The following POU6F2 variants were observed in gnomAD, a reference collection of about 807,000 sequenced individuals.
POU6F2 encodes the protein POU domain, class 6, transcription factor 2.
A neutral mutation model predicts 71.3 loss-of-function variants in POU6F2; 31 were observed. That is an observed-to-expected ratio of 0.43 (90% CI 0.33 to 0.59). The LOEUF is 0.59. POU6F2 is among the 20% of genes least tolerant of loss of function. The pLI is 0.04. For synonymous variants in POU6F2, 347 were observed against 355.7 expected (o/e 0.98, Z 0.27); for missense variants, 783 against 856.8 (o/e 0.91, Z 1.07).
At chr7:39,000,142 C>G (rs1472433369) in intron 1 of POU6F2, among the ~76,000 whole-genome samples, 1 of 152,088 alleles carries the variant, frequency 6.6e-6, no homozygotes, top group Non-Finnish European at 1.5e-5. Context: ...TAGGGTAACT[C>G]AAGTGGAGTT....
At chr7:39,290,714 A>G (rs1424752385) in intron 4 of POU6F2, among the ~76,000 whole-genome samples, 3 of 152,068 alleles carry the variant, frequency 2.0e-5, no homozygotes, top group Non-Finnish European at 4.4e-5. Context: ...TCTCTTTGCA[A>G]CCTCCTGAGA....
At chr7:39,185,545 C>A (rs529535197) in intron 2 of POU6F2, among the ~76,000 whole-genome samples, 1 of 152,124 alleles carries the variant, frequency 6.6e-6, no homozygotes, top group African/African-American at 2.4e-5. Flanking sequence ...TCCCAAATAT[C>A]TTCTCTTGAT....
intron 2 of POU6F2, among the ~76,000 whole-genome samples, chr7:39,152,846 C>T (rs940824710): frequency 2.6e-5 from 4 of 152,114 alleles, no homozygotes; most frequent in African/African-American, 9.7e-5. Flanking sequence ...AACAGTTGGC[C>T]CTGGAAAGCT....
At chr7:39,233,542 G>A (rs1333529644) in intron 4 of POU6F2, among the ~76,000 whole-genome samples, 1 of 152,156 alleles carries the variant, frequency 6.6e-6, no homozygotes, top group East Asian at 1.9e-4. Flanking sequence ...CTCCCTCCCA[G>A]CACATAGGAG....
chr7:39,078,894 G>C (rs1791052909), intron 1 of POU6F2, among the ~76,000 whole-genome samples: 1 of 152,096 alleles, frequency 6.6e-6, no homozygotes, highest in Admixed American at 6.6e-5. Context: ...ACTCCAGCCT[G>C]GCGACAGAGC....
At chr7:39,162,767 G>T (rs567333151) in intron 2 of POU6F2, among the ~76,000 whole-genome samples, 1 of 151,720 alleles carries the variant, frequency 6.6e-6, no homozygotes, top group East Asian at 1.9e-4. Flanking sequence ...TCTAAGTGGG[G>T]ATAGTACTCA....
At chr7:39,118,279 TAAC>T (rs1791973436) in intron 2 of POU6F2, among the ~76,000 whole-genome samples, 1 of 152,034 alleles carries the variant, frequency 6.6e-6, no homozygotes, top group Admixed American at 6.6e-5. Context: ...TTCTTTTAAA[TAAC>T]AACTGATAGC....
At chr7:39,275,846 C>T (rs2128758067) in intron 4 of POU6F2, among the ~76,000 whole-genome samples, 1 of 151,650 alleles carries the variant, frequency 6.6e-6, no homozygotes, top group Non-Finnish European at 1.5e-5. Flanking sequence ...ACTGGCTAGC[C>T]ATATGTAGAA....
At chr7:39,349,214 A>G (rs1179383956) in intron 5 of POU6F2, among the ~76,000 whole-genome samples, 1 of 152,234 alleles carries the variant, frequency 6.6e-6, no homozygotes, top group Non-Finnish European at 1.5e-5. Flanking sequence ...TGGTTCTGAT[A>G]ATTGACAGTG....
intron 1 of POU6F2, among the ~76,000 whole-genome samples, chr7:39,018,461 ATT>A (rs11287271): frequency 1.6e-4 from 24 of 146,880 alleles, no homozygotes; most frequent in Admixed American, 2.7e-4. Flanking sequence ...AACCATTTAC[ATT>A]TTTTTTTTTT....
intron 1 of POU6F2, among the ~76,000 whole-genome samples, chr7:39,024,697 TGA>T (rs1789759999): frequency 6.6e-6 from 1 of 152,212 alleles, no homozygotes; most frequent in Non-Finnish European, 1.5e-5. Context: ...CCTAATTTAT[TGA>T]GAGTTTTTAG....
At chr7:39,179,408 G>A (rs1371800042) in intron 2 of POU6F2, among the ~76,000 whole-genome samples, 2 of 152,236 alleles carry the variant, frequency 1.3e-5, no homozygotes, top group African/African-American at 2.4e-5. Flanking sequence ...CCTAGCTAGG[G>A]TTGCTGTGGG....
At chr7:39,293,186 C>T (rs1162752840) in intron 4 of POU6F2, among the ~76,000 whole-genome samples, 2 of 152,152 alleles carry the variant, frequency 1.3e-5, no homozygotes, top group Non-Finnish European at 2.9e-5. Flanking sequence ...CTCTCTGCTG[C>T]GGGTCAGCTG....
intron 1 of POU6F2, among the ~76,000 whole-genome samples, chr7:39,082,197 A>C: frequency 6.6e-6 from 1 of 152,206 alleles, no homozygotes; most frequent in East Asian, 1.9e-4. Flanking sequence ...TGATTTTGCT[A>C]ATAGAAACTA....
intron 5 of POU6F2, among the ~76,000 whole-genome samples, chr7:39,360,951 G>C (rs1332585357): frequency 6.6e-6 from 1 of 152,158 alleles, no homozygotes; most frequent in Non-Finnish European, 1.5e-5. Context: ...ATCAGCAAAT[G>C]ACCTGTACCT....
At chr7:39,053,696 G>A (rs569504106) in intron 1 of POU6F2, among the ~76,000 whole-genome samples, 3 of 151,938 alleles carry the variant, frequency 2.0e-5, no homozygotes, top group African/African-American at 7.2e-5. Context: ...ACTCTTCTGG[G>A]GGTTTTAGAA....
At chr7:39,389,539 ATC>A (rs1562812185) in intron 5 of POU6F2, among the ~76,000 whole-genome samples, 1 of 152,216 alleles carries the variant, frequency 6.6e-6, no homozygotes, top group African/African-American at 2.4e-5. Flanking sequence ...GTGCAAATCA[ATC>A]TCTCCACCAA....
intron 4 of POU6F2, among the ~76,000 whole-genome samples, chr7:39,297,565 G>A (rs546971459): frequency 6.6e-6 from 1 of 152,244 alleles, no homozygotes; most frequent in African/African-American, 2.4e-5. Flanking sequence ...CAAGACCACT[G>A]TGACATATAT....
chr7:39,195,179 C>T (rs1451045983), intron 2 of POU6F2, among the ~76,000 whole-genome samples: 1 of 152,158 alleles, frequency 6.6e-6, no homozygotes, highest in Non-Finnish European at 1.5e-5. Context: ...AATTTGACTG[C>T]ACTGTGAAAT....
Sources: gnomAD v4.1 joint callset for allele counts (sites outside exome capture counted in the v4.1 genomes callset) on GRCh38, gnomAD v4.1.1 for gene constraint, MANE v1.5 for transcripts, NCBI Gene and HGNC (gene_info 2026-07-23, HGNC 2026-07-21) for gene names.